Variants in SIDT2 observed in about 807,000 individuals in gnomAD.
The protein encoded by SIDT2 is SID1 transmembrane family, member 2.
SIDT2 carries 68 observed loss-of-function variants against 114.4 expected under a neutral mutation model. The ratio of observed to expected loss-of-function variants is 0.59; its 90% confidence interval spans 0.49 to 0.73. The LOEUF (loss-of-function observed/expected upper bound fraction) is 0.73, where lower values mean the gene tolerates loss of function less well. SIDT2 is among the 30% of genes least tolerant of loss of function. The probability of loss-of-function intolerance (pLI) is 0.00; values close to 1 mark genes in which losing one functional copy is unlikely to be tolerated. For synonymous variants in SIDT2, 470 were observed against 438.4 expected (o/e 1.07, Z -0.90); for missense variants, 918 against 1,097.1 (o/e 0.84, Z 2.31).
At chr11:117,185,629 G>C (rs2030463615) in intron 8 of SIDT2, among the ~76,000 whole-genome samples, 1 of 152,112 alleles carries the variant, frequency 6.6e-6, no homozygotes, top group South Asian at 2.1e-4. Context: ...TATAATCCCA[G>C]AACTTTGGGA....
chr11:117,183,755 A>G (rs528909279), intron 6 of SIDT2, 24 bp from the exon 7 acceptor site: 2 of 1,466,184 alleles, frequency 1.4e-6, no homozygotes, highest in Admixed American at 1.7e-5. Flanking sequence ...GATGAAGAAG[A>G]TATTTATCAT....
rs1409220981 is a variant in SIDT2, at chr11:117,182,535, T to A, written c.533T>A (p.Phe178Tyr). 5.6e-6 allele frequency: 9 copies of A among 1,614,082 alleles called. No individual in the cohort carries two copies. Among genetic ancestry groups the A allele is most frequent in the Non-Finnish European group, 7.6e-6 (9 of 1,180,016 alleles). The change falls in exon 5 of 26, where the codon TTC (phenylalanine) becomes TAC (tyrosine). Residue 178 changes from phenylalanine (F) to tyrosine (Y), a missense_variant. Around this residue, in one of 4 missense-constraint regions of SIDT2, gnomAD observed 553 missense variants for 600.1 expected, o/e 0.92. Transcript: ENST00000324225. Reference sequence around the variant, plus strand: ...CACCCTCAGTACTTCAAGTATGAGTTCCCTGAAGGCGTGGACTCGGTAATT... The same window carrying A: ...CACCCTCAGTACTTCAAGTATGAGTACCCTGAAGGCGTGGACTCGGTAATT... ...AAQPQYFKYE[F>Y]PEGVDSVIVK...
intron 1 of SIDT2, 48 bp downstream of exon 1, chr11:117,179,494 A>T: frequency 6.4e-7 from 1 of 1,572,520 alleles, no homozygotes; most frequent in Non-Finnish European, 8.7e-7. Flanking sequence ...GAAGCCGACG[A>T]GGGCTAGGCG....
At chr11:117,195,654 T>C in intron 24 of SIDT2, 148 bp from the exon 25 acceptor site, 3 of 747,044 alleles carry the variant, frequency 4.0e-6, no homozygotes, top group Non-Finnish European at 6.8e-6. Flanking sequence ...CGGGAAGGGG[T>C]AGGGACAAGG....
Position 117,178,953 on chromosome 11 carries a change from C to T in SIDT2, c.-311C>T, listed in dbSNP as rs976632780. On this transcript the variant is annotated 5_prime_UTR_variant, in exon 1 of 26. Coordinates refer to ENST00000324225, the MANE Select transcript of SIDT2 (RefSeq NM_001040455.2). ...CTCCCGGCAACCAGCCGCCCTCCTT[C>T]TCACGGCCCTGGCCCGGGGCTCCAG... is the stretch of plus-strand genomic sequence containing the variant. The T allele has an allele frequency of 6.7e-5, 19 of 282,792 alleles. No homozygotes were observed. Among genetic ancestry groups the T allele is most frequent in the Non-Finnish European group, 1.2e-4 (18 of 150,808 alleles). The allele number at this position is 282,792 out of a possible 1,614,324, so 17.5% of individuals were successfully genotyped here.
rs747376643 is a variant in SIDT2 at position 117,186,143 on chromosome 11, C to T, written c.882C>T (p.Val294=). The T allele has an allele frequency of 3.7e-6, 6 of 1,613,952 alleles. No individual in the cohort carries two copies. In the East Asian group the frequency reaches 8.9e-5, roughly 24 times the overall value. ...VSQAVTSEAY[V]SGMLFCLGIF... ...TCCTCCTTGAAGCTGAGGCATACGT[C>T]AGTGGGATGCTCTTTTGCCTGGGTA... Residue 294 remains valine, a synonymous_variant, in exon 9 of 26, where the codon GTC becomes GTT. Transcript: ENST00000324225.
Position 117,192,188 on chromosome 11 carries a change from A to AAG in SIDT2, c.1873-65_1873-64dup. 1 of 1,474,604 alleles carries AAG rather than the reference A, an allele frequency of 6.8e-7. No homozygotes were observed. Among genetic ancestry groups the AAG allele is most frequent in the Non-Finnish European group, 9.5e-7 (1 of 1,056,122 alleles). 91.3% of individuals were successfully genotyped at this position (1,474,604 alleles called of 1,614,324 possible). ...GCCTGGCTGAGCAGCCAGCCCCAGG[A>AAG]AGGGTGGGCCATCCGAGCCACTTCC... On this transcript the variant is annotated intron_variant, in intron 19 of 25. Coordinates refer to ENST00000324225, the MANE Select transcript of SIDT2 (RefSeq NM_001040455.2). This position sits in a 1 kb window ranked among gnomAD's most constrained non-coding sequence, Gnocchi z 5.9.
chr11:117,187,850 C>A (rs1315468440), intron 12 of SIDT2, 151 bp downstream of exon 12: 1 of 768,864 alleles, frequency 1.3e-6, no homozygotes, highest in Middle Eastern at 2.2e-4. Flanking sequence ...ATCCCCTCCT[C>A]CTTGGCCCCA....
Position 117,193,225 on chromosome 11 carries a change from G to C in SIDT2, c.2178G>C (p.Leu726=). The C allele has an allele frequency of 3.1e-6, 5 of 1,614,008 alleles. No individual in the cohort carries two copies. The highest frequency in any genetic ancestry group is 4.2e-6 in the Non-Finnish European group (5 of 1,179,958). Residue 726 remains leucine (L), a synonymous_variant, in exon 23 of 26, where the codon CTG becomes CTC. Coordinates refer to ENST00000324225, the MANE Select transcript of SIDT2 (RefSeq NM_001040455.2). ...SYLLAIGICN[L]LLYFAFYIIM... ...TGTTGGCCATTGGCATCTGCAACCT[G>C]CTCCTTTACTTCGCCTTCTACATCA...
chr11:117,187,503 G>A, intron 11 of SIDT2, 54 bp downstream of exon 11: 1 of 1,604,036 alleles, frequency 6.2e-7, no homozygotes, highest in Non-Finnish European at 8.5e-7. Flanking sequence ...TGTCTCCTTA[G>A]GCCACCACCT....
At position 117,188,735 on chromosome 11, in the gene SIDT2, G is replaced by A. The variant is rs769429470; in HGVS notation, c.1187G>A (p.Arg396Gln). Residue 396 changes from arginine to glutamine, a missense_variant, in exon 13 of 26, where the codon CGG (arginine) becomes CAG (glutamine). By Grantham distance (43) the Arg-to-Gln change is conservative. Transcript: ENST00000324225. This position sits in a 1 kb window ranked among gnomAD's most constrained non-coding sequence, Gnocchi z 4.0. ...QGRSFEPVGT[R>Q]PRVDSMSSVE... ...CGCTCCTTTGAACCTGTAGGTACTC[G>A]GCCCCGAGTGGACTCCATGAGCTCT... 1.9e-5 allele frequency: 31 copies of A among 1,614,000 alleles called. No individual in the cohort carries two copies. The highest frequency in any genetic ancestry group is 6.7e-5 in the East Asian group (3 of 44,886).
rs774300822 is a variant in SIDT2 at position 117,193,265 on chromosome 11, G to A, written c.2211+7G>A. On this transcript the variant is annotated splice_region_variant and intron_variant, in intron 23 of 25. Transcript: ENST00000324225. The stretch of plus-strand genomic sequence containing the variant: ...CTTCTACATCATCATGAAGGTGAGT[G>A]GGGCTGGCCAAGCCCCCTCTGTCAG... 40 of 1,610,020 alleles carry A rather than the reference G, an allele frequency of 2.5e-5. No homozygotes were observed. The East Asian group carries it at 8.2e-4, about 33-fold the overall frequency.
rs775319990 is a variant in SIDT2, at chr11:117,190,167, G to A, written c.1495G>A (p.Ala499Thr). Reference protein sequence around the residue: ...LCAHPLGNLSAFNNILSNLGY... With the variant: ...LCAHPLGNLSTFNNILSNLGY... The stretch of plus-strand genomic sequence containing the variant: ...TCTGCCTTGTGTTGCCCCTTCTAGC[G>A]CCTTCAACAACATCCTCAGCAACCT... The change falls in exon 17 of 26, where the codon GCC becomes ACC. Residue 499 changes from alanine to threonine, a missense_variant and splice_region_variant. Physicochemically the swap from Ala to Thr is moderately conservative, Grantham distance 58. Transcript: ENST00000324225. The surrounding 1 kb of genome is among the most constrained non-coding windows in gnomAD (Gnocchi z 4.1). 2.5e-6 allele frequency: 4 copies of A among 1,583,098 alleles called. No homozygotes were observed. Among genetic ancestry groups the A allele is most frequent in the Non-Finnish European group, 2.6e-6 (3 of 1,164,038 alleles).
Position 117,192,798 on chromosome 11 carries a change from C to T in SIDT2, c.2059-22C>T. 2 of 1,614,078 alleles carry T rather than the reference C, an allele frequency of 1.2e-6. No individual in the cohort carries two copies. The highest frequency in any genetic ancestry group is 1.7e-6 in the Non-Finnish European group (2 of 1,179,958). The stretch of plus-strand genomic sequence containing the variant: ...CCCTCCCTGCCCCTGCCCTCAGTCC[C>T]TGTGTCCCTGCTTCCCTCCAGGACC... On this transcript the variant is annotated intron_variant, in intron 21 of 25. Transcript: ENST00000324225. The surrounding 1 kb of genome is among the most constrained non-coding windows in gnomAD (Gnocchi z 5.9).
Position 117,196,442 on chromosome 11 carries a change from C to G in SIDT2, c.*376C>G, listed in dbSNP as rs1432758921. On this transcript the variant is annotated 3_prime_UTR_variant, in exon 26 of 26. Coordinates refer to ENST00000324225, the MANE Select transcript of SIDT2 (RefSeq NM_001040455.2). The surrounding 1 kb of genome is among the most constrained non-coding windows in gnomAD (Gnocchi z 4.9). The stretch of plus-strand genomic sequence containing the variant: ...CTTGCATTTTGCCCGTCCTCCTCCC[C>G]ACAATGCCCCAGCCTGGGACCTAAG... 1.2e-4 allele frequency: 34 copies of G among 276,370 alleles called. No homozygotes were observed. Among genetic ancestry groups the G allele is most frequent in the Non-Finnish European group, 1.2e-4 (17 of 142,116 alleles). The allele number at this position is 276,370 out of a possible 1,614,324, so 17.1% of individuals were successfully genotyped here.
chr11:117,191,606 T>A (rs1351152512), intron 18 of SIDT2: 1 of 438,348 alleles, frequency 2.3e-6, no homozygotes, highest in Non-Finnish European at 4.1e-6. Context: ...AGGGAGTCCC[T>A]GATCTCAGGG....
rs757938262 is a variant in SIDT2 at position 117,192,814 on chromosome 11, C to A, written c.2059-6C>A. On this transcript the variant is annotated splice_region_variant and splice_polypyrimidine_tract_variant and intron_variant, in intron 21 of 25. Transcript: ENST00000324225. The surrounding 1 kb of genome is among the most constrained non-coding windows in gnomAD (Gnocchi z 5.9). ...CCTCAGTCCCTGTGTCCCTGCTTCCCTCCAGGACCGCATGGTGCTGCTGGT... is the reference window on the plus strand; with the variant it reads ...CCTCAGTCCCTGTGTCCCTGCTTCCATCCAGGACCGCATGGTGCTGCTGGT... The A allele has an allele frequency of 6.2e-7, 1 of 1,614,198 alleles. No individual in the cohort carries two copies. Among genetic ancestry groups the A allele is most frequent in the Non-Finnish European group, 8.5e-7 (1 of 1,180,032 alleles).
In SIDT2 at chr11:117,181,428, C is replaced by T. The variant is rs1326001097; in HGVS notation, c.196C>T (p.Arg66Cys). The change falls in exon 2 of 26, where the codon CGT (arginine) becomes TGT (cysteine). Residue 66 changes from arginine to cysteine, a missense_variant. By Grantham distance (180) the Arg-to-Cys change is radical. Coordinates refer to ENST00000324225, the MANE Select transcript of SIDT2 (RefSeq NM_001040455.2). ...TGTCGTTCTGCAGACAGAGGGCGTG[C>T]GTGTGTCTGTGAACGTCCTGAACAA... is the stretch of plus-strand genomic sequence containing the variant. ...TVTRNRTEGVRVSVNVLNKQK... is the reference protein window; with the variant it reads ...TVTRNRTEGVCVSVNVLNKQK... The T allele has an allele frequency of 3.7e-6, 6 of 1,613,408 alleles. No individual in the cohort carries two copies. The highest frequency in any genetic ancestry group is 4.2e-6 in the Non-Finnish European group (5 of 1,179,924).
chr11:117,191,586 A>C (rs2030703024), intron 18 of SIDT2: 1 of 374,234 alleles, frequency 2.7e-6, no homozygotes, highest in East Asian at 5.2e-5. Flanking sequence ...TCCGTCTCCA[A>C]AAAAATAAAA....
Sources: gnomAD v4.1 joint callset for allele counts (sites outside exome capture counted in the v4.1 genomes callset) on GRCh38, gnomAD v4.1.1 for gene constraint, gnomAD v4.1.1 regional missense constraint, Gnocchi (gnomAD v3.1) non-coding constraint, MANE v1.5 for transcripts, NCBI Gene and HGNC (gene_info 2026-07-23, HGNC 2026-07-21) for gene names.